Variants in SPATA9 observed in about 807,000 individuals in gnomAD.
The protein encoded by SPATA9 is spermatogenesis associated 9.
Under a neutral mutation model 25.5 loss-of-function variants are expected in SPATA9, and 27 were observed. That is an observed-to-expected ratio of 1.06 (90% CI 0.78 to 1.46). SPATA9 has a LOEUF of 1.46. SPATA9 is among the 40% of genes most tolerant of loss of function. The probability of loss-of-function intolerance (pLI) is 0.00; values close to 1 mark genes in which losing one functional copy is unlikely to be tolerated. For synonymous variants in SPATA9, 102 were observed against 105.7 expected, an observed-to-expected ratio of 0.97 and a Z score of 0.21; for missense variants, 282 against 297.5, an observed-to-expected ratio of 0.95 and a Z score of 0.38.
chr5:95,675,728 C>G, intron 2 of SPATA9, 89 bp from the exon 3 acceptor site: 1 of 990,948 alleles, frequency 1.0e-6, no homozygotes, highest in Non-Finnish European at 1.5e-6. Flanking sequence ...TACTATATAA[C>G]TACATTGTGC....
chr5:95,708,818 T>G, the SPATA9 span: 1 of 583,208 alleles, frequency 1.7e-6, no homozygotes, highest in Non-Finnish European at 3.1e-6. Flanking sequence ...CTCCAAGTAG[T>G]GTTGACGAAT....
chr5:95,668,603 C>A (rs1274070068), intron 3 of SPATA9, among the ~76,000 whole-genome samples: 1 of 152,152 alleles, frequency 6.6e-6, no homozygotes, highest in Non-Finnish European at 1.5e-5. Context: ...ATTAATTTCA[C>A]TTTATGTGCA....
upstream of SPATA9, among the ~76,000 whole-genome samples, chr5:95,684,041 C>T (rs1241971007): frequency 6.6e-6 from 1 of 152,062 alleles, no homozygotes; most frequent in African/African-American, 2.4e-5. Context: ...GCCTGAAAAT[C>T]CCCAGCTCTC....
Position 95,664,006 on chromosome 5 carries a change from T to G in SPATA9, c.421A>C (p.Lys141Gln), listed in dbSNP as rs1751522393. The change falls in exon 4 of 5, where the codon AAG becomes CAG. Residue 141 changes from lysine to glutamine, a missense_variant. By Grantham distance (53) the Lys-to-Gln change is moderately conservative. Coordinates refer to ENST00000274432, the MANE Select transcript of SPATA9 (RefSeq NM_031952.4). Reference sequence around the variant, plus strand: ...TATATTATGCTAGTTAAAGCAGTCTTTGCTGGAAAGGAGATGATTTCAAAC... The same window carrying G: ...TATATTATGCTAGTTAAAGCAGTCTGTGCTGGAAAGGAGATGATTTCAAAC... ...SLFEIISFPA[K>Q]TALTSIIYAS... The G allele has an allele frequency of 1.3e-6, 2 of 1,599,300 alleles. No individual in the cohort carries two copies. Among genetic ancestry groups the G allele is most frequent in the Non-Finnish European group, 1.7e-6 (2 of 1,171,374 alleles).
the SPATA9 span, chr5:95,731,739 C>T: frequency 2.5e-6 from 4 of 1,611,628 alleles, no homozygotes; most frequent in East Asian, 4.5e-5. Context: ...GCCGTGCGCC[C>T]CAGGGACAGG....
rs192703056 is a variant in SPATA9 at position 95,694,806 on chromosome 5, A to G, written n.124+3782T>C. ...AGTCAATTAAAAAGAAACAGACACA[A>G]GAACAGCTCTCTGCCCTCCCCTTTC... On this transcript the variant is annotated intron_variant and non_coding_transcript_variant, in intron 1 of 2. Coordinates refer to the SPATA9 transcript ENST00000379990. Among the ~76,000 whole-genome samples, 522 of 152,332 alleles carry G rather than the reference A, an allele frequency of 3.4e-3. 5 individuals are homozygous for G. The highest frequency in any genetic ancestry group is 4.3e-3 in the Non-Finnish European group (290 of 68,022).
At chr5:95,680,459 T>G (rs1753345762) in intron 2 of SPATA9, among the ~76,000 whole-genome samples, 1 of 152,212 alleles carries the variant, frequency 6.6e-6, no homozygotes, top group African/African-American at 2.4e-5. Flanking sequence ...CTTTGAGGAT[T>G]CTGACTGCTG....
At chr5:95,727,982 A>G in the SPATA9 span, among the ~76,000 whole-genome samples, 2 of 152,338 alleles carry the variant, frequency 1.3e-5, no homozygotes, top group Non-Finnish European at 2.9e-5. Flanking sequence ...CCTGGCTTCA[A>G]GGTTGACCTG....
chr5:95,688,947 A>G (rs149080222), intron 1 of SPATA9, among the ~76,000 whole-genome samples: 53 of 152,364 alleles, frequency 3.5e-4, no homozygotes, highest in African/African-American at 1.2e-3. Flanking sequence ...GAAAAATTTT[A>G]TCATTAAAAA....
upstream of SPATA9, among the ~76,000 whole-genome samples, chr5:95,702,740 G>A (rs550761229): frequency 5.9e-4 from 90 of 152,216 alleles, 1 homozygote; most frequent in African/African-American, 1.8e-3. Context: ...AATCAACTGG[G>A]CATGGTGGCA....
At chr5:95,656,672 TC>T (rs1338959537), downstream of SPATA9, 1 of 160,934 alleles carries the variant, frequency 6.2e-6, no homozygotes, top group African/African-American at 2.4e-5. Flanking sequence ...TAGGAAAAAA[TC>T]CCTGTTTGAT....
rs73149614 is a variant in SPATA9 at position 95,658,577 on chromosome 5, G to A, written c.*46C>T. On this transcript the variant is annotated 3_prime_UTR_variant, in exon 5 of 5. Coordinates refer to ENST00000274432, the MANE Select transcript of SPATA9 (RefSeq NM_031952.4). ...CTCTGAGTTTTGTCAGATGAAATGT[G>A]CCATTAAATAGATAACTCTTAAGTT... 4,181 of 1,546,358 alleles carry A rather than the reference G, an allele frequency of 2.7e-3. 114 individuals carry two copies. The African/African-American group carries it at 0.051, about 19-fold the overall frequency.
chr5:95,671,812 T>C (rs1433116390), intron 3 of SPATA9, among the ~76,000 whole-genome samples: 1 of 152,038 alleles, frequency 6.6e-6, no homozygotes. Context: ...GAAAAACATC[T>C]GGTTCCATAC....
upstream of SPATA9, among the ~76,000 whole-genome samples, chr5:95,700,941 G>C (rs1225311100): frequency 6.6e-6 from 1 of 152,004 alleles, no homozygotes; most frequent in Admixed American, 6.5e-5. Context: ...CAGTTACTTA[G>C]ATGAGGTGAA....
rs1752875514 is a variant in SPATA9, at chr5:95,675,781, C to T, written c.151-142G>A. On this transcript the variant is annotated intron_variant, in intron 2 of 4. Transcript: ENST00000274432. ...TTCAACATCCAATATTTCTGTCCCC[C>T]CATGAAACCCCTTGAATTCCCTGCC... 8.0e-6 allele frequency: 5 copies of T among 628,868 alleles called. No individual in the cohort carries two copies. In the South Asian group the frequency reaches 1.1e-4, roughly 14 times the overall value. The allele number at this position is 628,868 out of a possible 1,614,324, so 39.0% of individuals were successfully genotyped here.
chr5:95,668,735 A>G (rs1752062061), intron 3 of SPATA9, among the ~76,000 whole-genome samples: 1 of 152,222 alleles, frequency 6.6e-6, no homozygotes. Flanking sequence ...TGAACCTTTA[A>G]TTCAACTTTT....
chr5:95,715,063 T>C, the SPATA9 span, among the ~76,000 whole-genome samples: 37 of 152,120 alleles, frequency 2.4e-4, no homozygotes, highest in Admixed American at 5.2e-4. Context: ...TGGTGGCTAA[T>C]ACCTGTAATC....
chr5:95,715,302 G>A, the SPATA9 span, among the ~76,000 whole-genome samples: 2 of 147,724 alleles, frequency 1.4e-5, no homozygotes, highest in Admixed American at 1.4e-4. Flanking sequence ...CCAGCCTGGG[G>A]ACAGAGAGAG....
At chr5:95,677,854 A>G (rs1753089766) in intron 2 of SPATA9, among the ~76,000 whole-genome samples, 1 of 152,242 alleles carries the variant, frequency 6.6e-6, no homozygotes, top group Non-Finnish European at 1.5e-5. Context: ...TATTCCAAGA[A>G]TGAGCATCTA....
Sources: gnomAD v4.1 joint callset for allele counts (sites outside exome capture counted in the v4.1 genomes callset) on GRCh38, gnomAD v4.1.1 for gene constraint, MANE v1.5 for transcripts, NCBI Gene and HGNC (gene_info 2026-07-23, HGNC 2026-07-21) for gene names.